Variants in UNC13C observed in about 807,000 individuals in gnomAD.
UNC13C encodes protein unc-13 homolog C.
UNC13C carries 174 observed loss-of-function variants against 245.4 expected under a neutral mutation model. The ratio of observed to expected loss-of-function variants is 0.71; its 90% CI spans 0.63 to 0.80. The LOEUF (loss-of-function observed/expected upper bound fraction) is 0.80, where lower values mean the gene tolerates loss of function less well. Among genes scored for constraint, UNC13C ranks in the 30% least tolerant of loss-of-function variants. UNC13C has a pLI of 0.00. For missense variants in UNC13C, 2,829 were observed against 2,602.9 expected, an observed-to-expected ratio of 1.09 and a Z score of -1.89; for synonymous variants, 992 against 895.1, an observed-to-expected ratio of 1.11 and a Z score of -1.93.
At chr15:54,346,991 A>G (rs992407028) in intron 17 of UNC13C, among the ~76,000 whole-genome samples, 1 of 152,200 alleles carries the variant, frequency 6.6e-6, no homozygotes, top group Admixed American at 6.5e-5. Flanking sequence ...TCCCAGGTGA[A>G]CATCTATGTG....
At chr15:54,346,673 C>T (rs892965073) in intron 17 of UNC13C, among the ~76,000 whole-genome samples, 3 of 152,152 alleles carry the variant, frequency 2.0e-5, no homozygotes, top group Non-Finnish European at 4.4e-5. Context: ...GTGTGGTCTC[C>T]GGAGGCTGGC....
At chr15:54,052,533 A>C (rs1205887788) in intron 2 of UNC13C, among the ~76,000 whole-genome samples, 1 of 152,212 alleles carries the variant, frequency 6.6e-6, no homozygotes, top group Non-Finnish European at 1.5e-5. Context: ...TCACTTGCTG[A>C]CTTTGAAAAT....
chr15:54,300,398 G>T, intron 13 of UNC13C, 25 bp downstream of exon 13: 2 of 1,535,624 alleles, frequency 1.3e-6, no homozygotes, highest in South Asian at 1.2e-5. Flanking sequence ...ACATTTACAT[G>T]GTCAATATCT....
chr15:53,908,485 T>C, the UNC13C span, among the ~76,000 whole-genome samples: 1 of 145,886 alleles, frequency 6.9e-6, no homozygotes, highest in Non-Finnish European at 1.5e-5. Flanking sequence ...ATGCCTGTAA[T>C]CCTAGCACTT....
chr15:54,549,108 T>C (rs1896619614), intron 27 of UNC13C, among the ~76,000 whole-genome samples: 2 of 152,176 alleles, frequency 1.3e-5, no homozygotes, highest in South Asian at 4.1e-4. Context: ...TAGTAAAGCA[T>C]TGGATAGTTT....
intron 19 of UNC13C, among the ~76,000 whole-genome samples, chr15:54,473,451 T>C (rs2141046716): frequency 6.6e-6 from 1 of 152,024 alleles, no homozygotes; most frequent in South Asian, 2.1e-4. Flanking sequence ...TACAACTTTC[T>C]TATTCTTTCT....
rs966488109 is a variant in UNC13C at position 54,188,311 on chromosome 15, A to G, written c.3071+44627A>G. On this transcript the variant is annotated intron_variant, in intron 4 of 32. Coordinates refer to ENST00000260323, the MANE Select transcript of UNC13C (RefSeq NM_001080534.3). ...CTTGTTTTGGATAAACCCAAAATGT[A>G]TTAAATAATTTTCTAGTTGTGATTA... Among the ~76,000 whole-genome samples the G allele has an allele frequency of 3.3e-5, 5 of 152,360 alleles. No individual in the cohort carries two copies. The East Asian group carries it at 7.7e-4, about 23-fold the overall frequency.
At chr15:54,245,898 A>G (rs1267632792) in intron 7 of UNC13C, among the ~76,000 whole-genome samples, 1 of 152,222 alleles carries the variant, frequency 6.6e-6, no homozygotes, top group Admixed American at 6.5e-5. Flanking sequence ...TATTTCCTCC[A>G]CAGGATGAGG....
At chr15:53,908,214 A>C in the UNC13C span, among the ~76,000 whole-genome samples, 1 of 146,456 alleles carries the variant, frequency 6.8e-6, no homozygotes, top group Non-Finnish European at 1.5e-5. Context: ...TTATCATTTA[A>C]TGGGTGCTCC....
At chr15:54,201,217 C>G (rs1177881734) in intron 4 of UNC13C, among the ~76,000 whole-genome samples, 2 of 151,890 alleles carry the variant, frequency 1.3e-5, no homozygotes, top group Non-Finnish European at 2.9e-5. Context: ...AAATTAATAG[C>G]TGAATTCTAT....
intron 2 of UNC13C, among the ~76,000 whole-genome samples, chr15:54,047,758 T>G (rs1897102003): frequency 6.6e-6 from 1 of 152,154 alleles, no homozygotes. Flanking sequence ...TCCTCAAGTA[T>G]TTTTGTTCTA....
chr15:54,517,753 C>T (rs1895043471), intron 24 of UNC13C, among the ~76,000 whole-genome samples: 1 of 152,110 alleles, frequency 6.6e-6, no homozygotes, highest in Admixed American at 6.6e-5. Context: ...ATGCAGACCC[C>T]ACCCTCAAAG....
chr15:54,629,764 T>C (rs1356857), downstream of UNC13C: 101,577 of 151,970 alleles, frequency 0.67, 34,050 homozygotes, highest in African/African-American at 0.71. Context: ...AGGATTTGCA[T>C]TGATCACTTT....
At chr15:54,411,205 A>T (rs537312971) in intron 18 of UNC13C, among the ~76,000 whole-genome samples, 1 of 152,204 alleles carries the variant, frequency 6.6e-6, no homozygotes, top group South Asian at 2.1e-4. Context: ...TTTCTCTATT[A>T]TTGAGATTTT....
chr15:53,949,237 C>T, the UNC13C span, among the ~76,000 whole-genome samples: 1 of 152,164 alleles, frequency 6.6e-6, no homozygotes, highest in Non-Finnish European at 1.5e-5. Context: ...AGACACTGAC[C>T]TTATTTAGAT....
chr15:53,928,505 G>A, the UNC13C span, among the ~76,000 whole-genome samples: 1 of 152,314 alleles, frequency 6.6e-6, no homozygotes, highest in South Asian at 2.1e-4. Flanking sequence ...CAGTACTGCA[G>A]AGATTTTGTT....
chr15:54,140,486 A>T (rs1179714593), intron 2 of UNC13C, among the ~76,000 whole-genome samples: 1 of 152,228 alleles, frequency 6.6e-6, no homozygotes. Flanking sequence ...CTGGCAAAGG[A>T]TGAAGATTAG....
At chr15:54,363,297 C>T (rs1170062617) in intron 17 of UNC13C, among the ~76,000 whole-genome samples, 3 of 152,074 alleles carry the variant, frequency 2.0e-5, no homozygotes, top group Admixed American at 6.6e-5. Flanking sequence ...TTATTAGACA[C>T]GGGGTTTTGC....
At chr15:54,606,667 T>C (rs775467726) in intron 30 of UNC13C, among the ~76,000 whole-genome samples, 51 of 152,192 alleles carry the variant, frequency 3.4e-4, no homozygotes, top group Non-Finnish European at 6.0e-4. Context: ...AACTATTTCA[T>C]TTTTCCAATG....
Sources: allele counts gnomAD v4.1 joint callset (sites outside exome capture counted in the v4.1 genomes callset), GRCh38; gene constraint gnomAD v4.1.1; transcripts MANE v1.5; gene names NCBI Gene and HGNC (gene_info 2026-07-23, HGNC 2026-07-21).